Variants in TSC22D1 observed in about 807,000 individuals in gnomAD.
TSC22D1 encodes the protein TSC22 domain family member 1.
In TSC22D1, 9 loss-of-function variants were observed where a neutral mutation model predicts 74.2. The observed-to-expected ratio is 0.12, with a 90% CI of 0.07 to 0.21. TSC22D1 has a LOEUF of 0.21. TSC22D1 is among the 10% of genes least tolerant of loss of function. The probability of loss-of-function intolerance (pLI) is 1.00; values close to 1 mark genes in which losing one functional copy is unlikely to be tolerated. For synonymous variants in TSC22D1, 586 were observed against 492.5 expected, an observed-to-expected ratio of 1.19 and a Z score of -2.51; for missense variants, 1,427 against 1,304.7, an observed-to-expected ratio of 1.09 and a Z score of -1.44.
intron 1 of TSC22D1, among the ~76,000 whole-genome samples, chr13:44,569,246 G>A (rs1883584914): frequency 6.6e-6 from 1 of 152,008 alleles, no homozygotes; most frequent in African/African-American, 2.4e-5. Context: ...CATAAAACTA[G>A]TAAATGACAA....
intron 1 of TSC22D1, among the ~76,000 whole-genome samples, chr13:44,455,044 C>CT (rs1385252812): frequency 1.1e-4 from 16 of 152,132 alleles, no homozygotes; most frequent in Admixed American, 9.2e-4. Flanking sequence ...CTTCCTGAAA[C>CT]TTACATTCAA....
At position 44,489,673 on chromosome 13, in the gene TSC22D1, A is replaced by T. The variant is rs962130399; in HGVS notation, c.2913-53578T>A. Among the ~76,000 whole-genome samples, 254 of 152,194 alleles carry T rather than the reference A, an allele frequency of 1.7e-3. 2 individuals are homozygous for T. The highest frequency in any genetic ancestry group is 5.1e-4 in the Non-Finnish European group (35 of 67,992). The stretch of plus-strand genomic sequence containing the variant: ...AGACCTCATCTCTATAAAGAATTTT[A>T]AAAAATAAAAATAAATTACATAAAT... On this transcript the variant is annotated intron_variant, in intron 1 of 2. Coordinates refer to ENST00000458659, the MANE Select transcript of TSC22D1 (RefSeq NM_183422.4).
intron 1 of TSC22D1, among the ~76,000 whole-genome samples, chr13:44,520,621 A>G (rs1880267010): frequency 6.6e-6 from 1 of 152,190 alleles, no homozygotes; most frequent in African/African-American, 2.4e-5. Flanking sequence ...ATGAGAAAGA[A>G]GTAATTTTTT....
At chr13:44,534,341 GAC>G (rs1410665393) in intron 1 of TSC22D1, among the ~76,000 whole-genome samples, 4 of 142,412 alleles carry the variant, frequency 2.8e-5, no homozygotes, top group African/African-American at 1.1e-4. Flanking sequence ...CAGCCTAGGT[GAC>G]ACTGTGAGAC....
chr13:44,552,256 G>A (rs1234405137), intron 1 of TSC22D1, among the ~76,000 whole-genome samples: 3 of 152,118 alleles, frequency 2.0e-5, no homozygotes, highest in South Asian at 2.1e-4. Context: ...TCATTTTTCT[G>A]ATAAGCATAA....
At chr13:44,499,781 T>C (rs542652489) in intron 1 of TSC22D1, among the ~76,000 whole-genome samples, 41 of 152,254 alleles carry the variant, frequency 2.7e-4, no homozygotes, top group East Asian at 1.2e-3. Flanking sequence ...ATCTTTGCAA[T>C]TGGCTACTAA....
chr13:44,532,415 G>A (rs1880893868), intron 1 of TSC22D1, among the ~76,000 whole-genome samples: 1 of 152,206 alleles, frequency 6.6e-6, no homozygotes, highest in Non-Finnish European at 1.5e-5. Context: ...GAGCACATCT[G>A]TAATGTGCTG....
chr13:44,502,585 A>G (rs563131768), intron 1 of TSC22D1, among the ~76,000 whole-genome samples: 1 of 152,286 alleles, frequency 6.6e-6, no homozygotes, highest in Admixed American at 6.5e-5. Flanking sequence ...TTAGGGCTCA[A>G]TTTTCTCAAG....
chr13:44,516,073 T>C (rs1422505882), intron 1 of TSC22D1, among the ~76,000 whole-genome samples: 2 of 152,152 alleles, frequency 1.3e-5, no homozygotes, highest in African/African-American at 2.4e-5. Context: ...AAATAGAAAG[T>C]GGGGTTGATT....
At chr13:44,511,940 C>G (rs1879743647) in intron 1 of TSC22D1, among the ~76,000 whole-genome samples, 1 of 152,086 alleles carries the variant, frequency 6.6e-6, no homozygotes, top group Admixed American at 6.6e-5. Context: ...CTTTAAATGC[C>G]AATGCTCCCA....
intron 1 of TSC22D1, among the ~76,000 whole-genome samples, chr13:44,453,916 G>A (rs1034290035): frequency 1.3e-5 from 2 of 152,192 alleles, no homozygotes; most frequent in Non-Finnish European, 2.9e-5. Flanking sequence ...AAACATAAAG[G>A]ATTAATTTAG....
chr13:44,464,298 T>A (rs1877149414), intron 1 of TSC22D1, among the ~76,000 whole-genome samples: 1 of 152,188 alleles, frequency 6.6e-6, no homozygotes, highest in Non-Finnish European at 1.5e-5. Context: ...TATGTCACTT[T>A]CATTGTTCCA....
Position 44,434,572 on chromosome 13 carries a change from T to C in TSC22D1, c.*54A>G, listed in dbSNP as rs1310595509. ...GGAGGCAGATTCTCCCTAGCACATC[T>C]TCTCCGTCTGTTCAGTTCACACGCA... is the stretch of plus-strand genomic sequence containing the variant. On this transcript the variant is annotated 3_prime_UTR_variant, in exon 3 of 3. Transcript: ENST00000458659. The C allele has an allele frequency of 5.3e-6, 8 of 1,495,766 alleles. No homozygotes were observed. In the Admixed American group the frequency reaches 7.3e-5, roughly 14 times the overall value. 92.7% of individuals were successfully genotyped at this position (1,495,766 alleles called of 1,614,324 possible).
At chr13:44,553,826 G>A (rs772351776) in intron 1 of TSC22D1, among the ~76,000 whole-genome samples, 7 of 152,110 alleles carry the variant, frequency 4.6e-5, no homozygotes, top group African/African-American at 1.7e-4. Flanking sequence ...ATCCCTGATC[G>A]CTCCACTGTA....
At chr13:44,436,257 T>C (rs969235949) in intron 1 of TSC22D1, 162 bp from the exon 2 acceptor site, 1 of 905,932 alleles carries the variant, frequency 1.1e-6, no homozygotes, top group African/African-American at 1.7e-5. Flanking sequence ...GCCCCTCTCT[T>C]ACTAACGAAT....
intron 1 of TSC22D1, chr13:44,436,627 A>G: frequency 6.2e-7 from 1 of 1,605,814 alleles, no homozygotes; most frequent in Non-Finnish European, 8.5e-7. Context: ...TTGGGATTTC[A>G]TGCAATTGCA....
Position 44,453,364 on chromosome 13 carries a change from T to C in TSC22D1, c.2913-17269A>G, listed in dbSNP as rs142768329. On this transcript the variant is annotated intron_variant, in intron 1 of 2. Coordinates refer to ENST00000458659, the MANE Select transcript of TSC22D1 (RefSeq NM_183422.4). The stretch of plus-strand genomic sequence containing the variant: ...ATTTTTAAAATGCACAAGTTATAAA[T>C]ACAGCAGAATAACCTACCAAACTTA... Among the ~76,000 whole-genome samples, 149 of 152,360 alleles carry C rather than the reference T, an allele frequency of 9.8e-4. 2 individuals are homozygous for C. The East Asian group carries it at 0.024, about 25-fold the overall frequency.
At chr13:44,514,320 T>C (rs933201785) in intron 1 of TSC22D1, among the ~76,000 whole-genome samples, 3 of 151,942 alleles carry the variant, frequency 2.0e-5, no homozygotes, top group African/African-American at 7.3e-5. Context: ...AACAAGATCT[T>C]CCCTACTCAA....
intron 1 of TSC22D1, among the ~76,000 whole-genome samples, chr13:44,440,930 A>G (rs139756127): frequency 6.6e-4 from 101 of 152,364 alleles, no homozygotes; most frequent in African/African-American, 2.3e-3. Context: ...TCAGAAAAAG[A>G]TGAAGAAAAT....
Sources: gnomAD v4.1 joint callset for allele counts (sites outside exome capture counted in the v4.1 genomes callset) on GRCh38, gnomAD v4.1.1 for gene constraint, MANE v1.5 for transcripts, NCBI Gene and HGNC (gene_info 2026-07-23, HGNC 2026-07-21) for gene names.